Variants in TMCC3 observed in about 807,000 individuals in gnomAD.
TMCC3 encodes the protein transmembrane and coiled-coil domain family 3.
Under a neutral mutation model 40.2 loss-of-function variants are expected in TMCC3, and 28 were observed. The observed-to-expected ratio is 0.70, with a 90% CI of 0.52 to 0.95. The LOEUF (loss-of-function observed/expected upper bound fraction) is 0.95. Among genes scored for constraint, TMCC3 ranks in the 40% least tolerant of loss-of-function variants. TMCC3 has a pLI of 0.00. For missense variants in TMCC3, 554 were observed against 615.2 expected (o/e 0.90, Z 1.05); for synonymous variants, 255 against 248.5 (o/e 1.03, Z -0.25).
chr12:94,638,686 A>G (rs1205592052), intron 1 of TMCC3, among the ~76,000 whole-genome samples: 11 of 152,250 alleles, frequency 7.2e-5, no homozygotes, highest in African/African-American at 2.7e-4. Context: ...CTGCAAATAG[A>G]GGCCACCTGT....
chr12:94,612,471 C>T (rs1277759616), intron 1 of TMCC3, among the ~76,000 whole-genome samples: 10 of 151,852 alleles, frequency 6.6e-5, no homozygotes, highest in African/African-American at 2.2e-4. Flanking sequence ...CCACTACACT[C>T]GGCTAATTTT....
chr12:94,612,998 C>T (rs1404071464), intron 1 of TMCC3, among the ~76,000 whole-genome samples: 1 of 151,722 alleles, frequency 6.6e-6, no homozygotes, highest in Non-Finnish European at 1.5e-5. Flanking sequence ...AAAGCAATAA[C>T]AAAAGACAAC....
Position 94,650,483 on chromosome 12 carries a change from G to A in TMCC3, c.-53C>T. 1 of 1,221,656 alleles carries A rather than the reference G, an allele frequency of 8.2e-7. No individual in the cohort carries two copies. Among genetic ancestry groups the A allele is most frequent in the South Asian group, 3.1e-5 (1 of 32,594 alleles). 75.7% of individuals were successfully genotyped at this position (1,221,656 alleles called of 1,614,324 possible). A position where few individuals can be genotyped will look rare whatever the true frequency, so the allele number is the denominator to read the frequency against. ...GTCTTCTGGGGCTGCCGCGCCGCGA[G>A]CCACCGGCTGTGCTCGGGATCACCC... On this transcript the variant is annotated 5_prime_UTR_variant, in exon 1 of 4. Coordinates refer to ENST00000261226, the MANE Select transcript of TMCC3 (RefSeq NM_020698.4).
intron 1 of TMCC3, among the ~76,000 whole-genome samples, chr12:94,634,007 G>A (rs1300451491): frequency 6.7e-6 from 1 of 150,002 alleles, no homozygotes; most frequent in Non-Finnish European, 1.5e-5. Flanking sequence ...GTACAATGGT[G>A]TGACCTCAGC....
chr12:94,580,049 A>T (rs1257752461), intron 2 of TMCC3, among the ~76,000 whole-genome samples: 1 of 152,254 alleles, frequency 6.6e-6, no homozygotes, highest in Non-Finnish European at 1.5e-5. Context: ...AAAAGGCCAC[A>T]TTTCTAAATT....
intron 1 of TMCC3, among the ~76,000 whole-genome samples, chr12:94,634,193 G>T (rs1165536951): frequency 6.6e-6 from 1 of 151,864 alleles, no homozygotes; most frequent in African/African-American, 2.4e-5. Context: ...AATCCGCCCG[G>T]CTGGGCCTCC....
At chr12:94,641,897 C>A (rs2068993060) in intron 1 of TMCC3, among the ~76,000 whole-genome samples, 2 of 151,462 alleles carry the variant, frequency 1.3e-5, no homozygotes, top group South Asian at 4.2e-4. Flanking sequence ...AATGAAGACA[C>A]TAAGAGGAAC....
At chr12:94,624,099 C>T (rs570400338) in intron 1 of TMCC3, among the ~76,000 whole-genome samples, 35 of 152,312 alleles carry the variant, frequency 2.3e-4, no homozygotes, top group South Asian at 2.3e-3. Flanking sequence ...TTCATACTTA[C>T]TAGGATGGCT....
At chr12:94,621,244 T>C (rs1304744499) in intron 1 of TMCC3, among the ~76,000 whole-genome samples, 1 of 152,226 alleles carries the variant, frequency 6.6e-6, no homozygotes, top group African/African-American at 2.4e-5. Flanking sequence ...ATATGGGGTT[T>C]AGAGTTAACA....
chr12:94,626,850 TGTTA>T (rs2068906712), intron 1 of TMCC3, among the ~76,000 whole-genome samples: 1 of 152,120 alleles, frequency 6.6e-6, no homozygotes, highest in Non-Finnish European at 1.5e-5. Context: ...TTGTTGTTGT[TGTTA>T]TTGTTTGTTT....
At chr12:94,625,396 C>T (rs1442781147) in intron 1 of TMCC3, among the ~76,000 whole-genome samples, 1 of 151,768 alleles carries the variant, frequency 6.6e-6, no homozygotes, top group Non-Finnish European at 1.5e-5. Flanking sequence ...GAGTTCTAGA[C>T]CAGTCTGGCC....
chr12:94,582,322 G>C lies in TMCC3; in HGVS notation c.295C>G (p.Leu99Val). 1 of 1,613,940 alleles carries C rather than the reference G, an allele frequency of 6.2e-7. No homozygotes were observed. The highest frequency in any genetic ancestry group is 1.7e-5 in the Admixed American group (1 of 59,984). The change falls in exon 2 of 4, where the codon CTA (leucine) becomes GTA (valine). Residue 99 changes from leucine to valine, a missense_variant. Leu to Val is a conservative substitution (Grantham distance 32). Transcript: ENST00000261226. ...TGCTGCTTGTCTGCGTTGTTCACTA[G>C]TTTCAGATACTCCGCAACATTCCCA... Reference protein sequence around the residue: ...RDGNVAEYLKLVNNADKQQAG... With the variant: ...RDGNVAEYLKVVNNADKQQAG...
intron 1 of TMCC3, among the ~76,000 whole-genome samples, chr12:94,630,768 G>A (rs1022437396): frequency 1.3e-5 from 2 of 152,020 alleles, no homozygotes; most frequent in Non-Finnish European, 2.9e-5. Context: ...TCGCTCTGTC[G>A]CCCAGGCTGG....
chr12:94,632,608 G>T (rs2068939342), intron 1 of TMCC3, among the ~76,000 whole-genome samples: 1 of 152,202 alleles, frequency 6.6e-6, no homozygotes, highest in African/African-American at 2.4e-5. Flanking sequence ...CAAAGTTGAA[G>T]AAGTTCTTTT....
intron 1 of TMCC3, among the ~76,000 whole-genome samples, chr12:94,637,521 T>C (rs1469326164): frequency 6.6e-6 from 1 of 152,198 alleles, no homozygotes; most frequent in Non-Finnish European, 1.5e-5. Flanking sequence ...AGTTTACCAG[T>C]GTTGTTCAGT....
chr12:94,594,676 T>C (rs926733445), intron 1 of TMCC3, among the ~76,000 whole-genome samples: 2 of 152,102 alleles, frequency 1.3e-5, no homozygotes, highest in Non-Finnish European at 2.9e-5. Context: ...AAAACGAGTC[T>C]CTGAGGCCCT....
chr12:94,584,286 C>A (rs2138829065), intron 1 of TMCC3, among the ~76,000 whole-genome samples: 1 of 152,254 alleles, frequency 6.6e-6, no homozygotes, highest in Admixed American at 6.5e-5. Context: ...CCTCCCGTCT[C>A]TTGCAGGCAT....
chr12:94,620,162 A>T (rs568010707), intron 1 of TMCC3, among the ~76,000 whole-genome samples: 1 of 152,132 alleles, frequency 6.6e-6, no homozygotes, highest in Non-Finnish European at 1.5e-5. Context: ...AGACTGTCTC[A>T]AGAAAAAAAA....
intron 1 of TMCC3, among the ~76,000 whole-genome samples, chr12:94,608,801 G>C (rs902809062): frequency 3.3e-5 from 5 of 152,156 alleles, no homozygotes; most frequent in Admixed American, 1.3e-4. Flanking sequence ...AGTGCCACAT[G>C]TATGTAGACG....
Sources: allele counts gnomAD v4.1 joint callset (sites outside exome capture counted in the v4.1 genomes callset), GRCh38; gene constraint gnomAD v4.1.1; transcripts MANE v1.5; gene names NCBI Gene and HGNC (gene_info 2026-07-23, HGNC 2026-07-21).